The following COA7 variants were observed in gnomAD, a reference collection of about 807,000 sequenced individuals.
COA7 encodes the protein Sel1 repeat containing 1.
Under a neutral mutation model 21.0 loss-of-function variants are expected in COA7, and 12 were observed. The observed-to-expected ratio is 0.57, with a 90% CI of 0.37 to 0.92. COA7 has a LOEUF of 0.92. COA7 is among the 40% of genes least tolerant of loss of function. The pLI is 0.01. For missense variants in COA7, 240 were observed against 286.1 expected (o/e 0.84, Z 1.16); for synonymous variants, 95 against 107.4 (o/e 0.88, Z 0.72).
At chr1:52,689,144 AATT>A (rs1291331882) in intron 2 of COA7, among the ~76,000 whole-genome samples, 14 of 151,854 alleles carry the variant, frequency 9.2e-5, no homozygotes, top group Admixed American at 2.0e-4. Flanking sequence ...AACATTATGA[AATT>A]ATTATTATTA....
Position 52,685,591 on chromosome 1 carries a change from G to C in COA7, c.*2129C>G, listed in dbSNP as rs953481682. 1.3e-5 allele frequency: 2 copies of C among 151,880 alleles called. No homozygotes were observed. The highest frequency in any genetic ancestry group is 4.8e-5 in the African/African-American group (2 of 41,330). 9.4% of individuals were successfully genotyped at this position (151,880 alleles called of 1,614,324 possible). A position where few individuals can be genotyped will look rare whatever the true frequency, so the allele number is the denominator to read the frequency against. On this transcript the variant is annotated 3_prime_UTR_variant, in exon 3 of 3. Coordinates refer to ENST00000371538, the MANE Select transcript of COA7 (RefSeq NM_023077.3). ...TGTGTGTGTGTGTTTTTTTGAGACA[G>C]AGTCTCACTCTGTTACCTGGCTGGA... is the stretch of plus-strand genomic sequence containing the variant.
chr1:52,688,884 T>C (rs1558102721), intron 2 of COA7, among the ~76,000 whole-genome samples: 1 of 152,148 alleles, frequency 6.6e-6, no homozygotes, highest in Non-Finnish European at 1.5e-5. Flanking sequence ...ACATGGCATA[T>C]GACAAGCACT....
chr1:52,689,371 G>A (rs1431872348), intron 2 of COA7, among the ~76,000 whole-genome samples: 1 of 150,728 alleles, frequency 6.6e-6, no homozygotes, highest in African/African-American at 2.4e-5. Flanking sequence ...GGTCAGGCTA[G>A]TCTTGAACTC....
intron 1 of COA7, among the ~76,000 whole-genome samples, chr1:52,695,928 C>T (rs1289635519): frequency 6.6e-6 from 1 of 152,164 alleles, no homozygotes; most frequent in African/African-American, 2.4e-5. Context: ...GTCTATATTC[C>T]TTACCCTGGC....
At position 52,698,276 on chromosome 1, in the gene COA7, CA is replaced by C; in HGVS notation, c.50del (p.Leu17TrpfsTer42). ...FQDEEQVKSF[L>X]ENMEVECNYH... ...AGTTGCACTCCACCTCCATGTTCTCCAAAAAGGACTTGACCTGCTCCTCATC... is the reference window on the plus strand; with the variant it reads ...AGTTGCACTCCACCTCCATGTTCTCCAAAAGGACTTGACCTGCTCCTCATC... On this transcript the variant is annotated frameshift_variant, in exon 1 of 3. Transcript: ENST00000371538. LOFTEE classifies it high-confidence loss of function. 6.2e-7 allele frequency: 1 copy of C among 1,613,010 alleles called. No homozygotes were observed. The highest frequency in any genetic ancestry group is 8.5e-7 in the Non-Finnish European group (1 of 1,179,884).
Position 52,698,098 on chromosome 1 carries a change from TCCACAGACCCCGTCCCCCGCCCG to T in COA7, c.106+100_106+122del, listed in dbSNP as rs1644097778. 8.3e-6 allele frequency: 6 copies of T among 726,874 alleles called. No individual in the cohort carries two copies. The Admixed American group carries it at 9.6e-5, about 12-fold the overall frequency. The allele number at this position is 726,874 out of a possible 1,614,324, so 45.0% of individuals were successfully genotyped here. A position where few individuals can be genotyped will look rare whatever the true frequency, so the allele number is the denominator to read the frequency against. ...TTCCCAACACACGCGGTCACCGCGATCCACAGACCCCGTCCCCCGCCCGCCACGTGATTCCTTCTCCAGCCTCT... is the reference window on the plus strand; with the variant it reads ...TTCCCAACACACGCGGTCACCGCGATCCACGTGATTCCTTCTCCAGCCTCT... On this transcript the variant is annotated intron_variant, in intron 1 of 2. Coordinates refer to ENST00000371538, the MANE Select transcript of COA7 (RefSeq NM_023077.3).
intron 2 of COA7, among the ~76,000 whole-genome samples, 169 bp from the exon 3 acceptor site, chr1:52,688,337 G>A (rs1284306150): frequency 6.6e-6 from 1 of 151,868 alleles, no homozygotes; most frequent in African/African-American, 2.4e-5. Context: ...TCAACCTCCG[G>A]CTAAAGCAAT....
rs867811175 is a variant in COA7 at position 52,698,294 on chromosome 1, C to T, written c.33G>A (p.Glu11=). Residue 11 remains glutamate, a synonymous_variant, in exon 1 of 3, where the codon GAG becomes GAA. Coordinates refer to ENST00000371538, the MANE Select transcript of COA7 (RefSeq NM_023077.3). ...TGTTCTCCAAAAAGGACTTGACCTG[C>T]TCCTCATCCTGGAAGTCCACCATGC... MAGMVDFQDE[E]QVKSFLENME... 6.2e-7 allele frequency: 1 copy of T among 1,612,602 alleles called. No individual in the cohort carries two copies. Among genetic ancestry groups the T allele is most frequent in the Non-Finnish European group, 8.5e-7 (1 of 1,179,784 alleles).
At chr1:52,693,613 AAAAAAAAAAG>A (rs1644063411) in intron 1 of COA7, among the ~76,000 whole-genome samples, 1 of 151,366 alleles carries the variant, frequency 6.6e-6, no homozygotes, top group Admixed American at 6.6e-5. Flanking sequence ...CTTAAAAAAA[AAAAAAAAAAG>A]AAAGAAAGAA....
intron 1 of COA7, among the ~76,000 whole-genome samples, chr1:52,696,591 T>C (rs775955994): frequency 1.3e-5 from 2 of 152,180 alleles, no homozygotes; most frequent in Admixed American, 6.6e-5. Context: ...GGAATAGCTA[T>C]GTCATTTCTG....
At chr1:52,698,116 C>T (rs1003855527) in intron 1 of COA7, 105 bp downstream of exon 1, 1 of 829,670 alleles carries the variant, frequency 1.2e-6, no homozygotes, top group Admixed American at 2.1e-5. Flanking sequence ...CCCCGTCCCC[C>T]GCCCGCCACG....
chr1:52,697,944 G>C lies in COA7; in HGVS notation c.106+277C>G, dbSNP rs1316879682. 38 of 418,958 alleles carry C rather than the reference G, an allele frequency of 9.1e-5. 1 individual carries two copies. 26.0% of individuals were successfully genotyped at this position (418,958 alleles called of 1,614,324 possible). A position where few individuals can be genotyped will look rare whatever the true frequency, so the allele number is the denominator to read the frequency against. On this transcript the variant is annotated intron_variant, in intron 1 of 2. Transcript: ENST00000371538. ...TTGCCCGACTCCCCGCACTAGCTTGGAAGCTCCACGAGGGCAGGGAGTTTC... is the reference window on the plus strand; with the variant it reads ...TTGCCCGACTCCCCGCACTAGCTTGCAAGCTCCACGAGGGCAGGGAGTTTC...
At chr1:52,694,569 A>G (rs376773886) in intron 1 of COA7, among the ~76,000 whole-genome samples, 11 of 152,012 alleles carry the variant, frequency 7.2e-5, no homozygotes, top group African/African-American at 2.7e-4. Context: ...CATAAATGCT[A>G]TGACTGAAGT....
Position 52,698,234 on chromosome 1 carries a change from C to T in COA7, c.93G>A (p.Glu31=), listed in dbSNP as rs1287188072. 6.2e-7 allele frequency: 1 copy of T among 1,611,674 alleles called. No individual in the cohort carries two copies. The highest frequency in any genetic ancestry group is 1.7e-5 in the Admixed American group (1 of 60,020). Residue 31 remains glutamate (E), a synonymous_variant, in exon 1 of 3, where the codon GAG becomes GAA. Transcript: ENST00000371538. The stretch of plus-strand genomic sequence containing the variant: ...GGAGCCGCTCACCGTCCGGGTCCTT[C>T]TCGTGGTAGCAGTGGTAGTTGCACT... The part of the protein sequence containing the change: ...EVECNYHCYH[E]KDPDGCYRLV...
At chr1:52,696,142 C>G (rs1410972521) in intron 1 of COA7, among the ~76,000 whole-genome samples, 1 of 152,084 alleles carries the variant, frequency 6.6e-6, no homozygotes, top group Admixed American at 6.6e-5. Context: ...TCTTTCTATA[C>G]TTAGGACATG....
Position 52,692,886 on chromosome 1 carries a change from G to C in COA7, c.107-19C>G, listed in dbSNP as rs757234816. On this transcript the variant is annotated intron_variant, in intron 1 of 2. Transcript: ENST00000371538. ...TAGCAACCTGCGAGAAGAGGGCAAG[G>C]GTTGTTCTTCATGTCTGGGGCTGCT... 1.9e-6 allele frequency: 3 copies of C among 1,613,868 alleles called. No homozygotes were observed. The highest frequency in any genetic ancestry group is 8.5e-7 in the Non-Finnish European group (1 of 1,179,928).
At chr1:52,689,727 CA>C (rs1644030572) in intron 2 of COA7, among the ~76,000 whole-genome samples, 1 of 150,718 alleles carries the variant, frequency 6.6e-6, no homozygotes, top group Non-Finnish European at 1.5e-5. Flanking sequence ...CCCATTTCTA[CA>C]AAAATACAAA....
At chr1:52,694,333 T>C (rs1286332131) in intron 1 of COA7, among the ~76,000 whole-genome samples, 3 of 152,006 alleles carry the variant, frequency 2.0e-5, no homozygotes, top group Admixed American at 6.6e-5. Flanking sequence ...TGGTGGCGCA[T>C]GCCTATAATC....
Position 52,687,845 on chromosome 1 carries a change from T to G in COA7, c.571A>C (p.Ser191Arg), listed in dbSNP as rs1197974819. The change falls in exon 3 of 3, where the codon AGT becomes CGT. Residue 191 changes from serine (S) to arginine (R), a missense_variant. By Grantham distance (110) the Ser-to-Arg change is moderately radical (BLOSUM62 -1). This residue lies in a region of COA7 where 163 missense variants were observed against 214.1 expected (regional missense o/e 0.76). Transcript: ENST00000371538. ...CCATCCCCCAGCTTGTACATGCGACTGGCATTGGCACAGGCCCAGATATGA... is the reference window on the plus strand; with the variant it reads ...CCATCCCCCAGCTTGTACATGCGACGGGCATTGGCACAGGCCCAGATATGA... Reference protein sequence around the residue: ...LGHIWACANASRMYKLGDGVD... With the variant: ...LGHIWACANARRMYKLGDGVD... 2 of 1,614,250 alleles carry G rather than the reference T, an allele frequency of 1.2e-6. No homozygotes were observed. The highest frequency in any genetic ancestry group is 1.7e-6 in the Non-Finnish European group (2 of 1,180,044).
Sources: gnomAD v4.1 joint callset for allele counts (sites outside exome capture counted in the v4.1 genomes callset) on GRCh38, gnomAD v4.1.1 for gene constraint, gnomAD v4.1.1 regional missense constraint, MANE v1.5 for transcripts, NCBI Gene and HGNC (gene_info 2026-07-23, HGNC 2026-07-21) for gene names.